The following ZP4 variants were observed in gnomAD, a reference collection of about 807,000 sequenced individuals.
ZP4 encodes the protein zona pellucida sperm-binding protein 4.
In ZP4, 62 loss-of-function variants were observed where a neutral mutation model predicts 62.3. The ratio of observed to expected loss-of-function variants is 0.99; its 90% CI spans 0.81 to 1.23. The LOEUF (loss-of-function observed/expected upper bound fraction) is 1.23. Ranked by LOEUF, ZP4 falls within the 50% of genes most tolerant of loss-of-function variation. ZP4 has a pLI of 0.00. For synonymous variants in ZP4, 289 were observed against 247.3 expected (o/e 1.17, Z -1.58); for missense variants, 774 against 656.0 (o/e 1.18, Z -1.97).
At position 237,887,485 on chromosome 1, in the gene ZP4, C is replaced by T; in HGVS notation, c.630G>A (p.Leu210=). ...TCCTAAGGGCCAAGCGCACAGAATC[C>T]AAGAGCAGTGGTGGCGAGGTCACGT... ...SRNVTSPPLL[L]DSVRLALRND... is the part of the protein sequence containing the mutation. Residue 210 remains leucine (L), a synonymous_variant, in exon 5 of 12, where the codon TTG becomes TTA. Transcript: ENST00000366570. 1 of 1,614,180 alleles carries T rather than the reference C, an allele frequency of 6.2e-7. No homozygotes were observed. Among genetic ancestry groups the T allele is most frequent in the Non-Finnish European group, 8.5e-7 (1 of 1,180,048 alleles).
Position 237,883,955 on chromosome 1 carries a change from G to GTC in ZP4, c.1390+812_1390+813dup, listed in dbSNP as rs1212333072. On this transcript the variant is annotated intron_variant, in intron 10 of 11. Transcript: ENST00000366570. ...AACCTGCATGACAGAGCAAGAACTG[G>GTC]TCACACACACAAACACACACACACA... Among the ~76,000 whole-genome samples the GTC allele has an allele frequency of 1.7e-4, 23 of 135,046 alleles. 1 individual carries two copies. The highest frequency in any genetic ancestry group is 6.7e-4 in the African/African-American group (22 of 32,672). The allele number at this position is 135,046 out of a possible 152,430, so 88.6% of individuals were successfully genotyped here. A position where few individuals can be genotyped will look rare whatever the true frequency, so the allele number is the denominator to read the frequency against.
chr1:237,882,815 G>A lies in ZP4; in HGVS notation c.1422C>T (p.Asn474=). 2.5e-6 allele frequency: 4 copies of A among 1,614,076 alleles called. No homozygotes were observed. The highest frequency in any genetic ancestry group is 3.4e-6 in the Non-Finnish European group (4 of 1,179,992). Residue 474 remains asparagine (N), a synonymous_variant, in exon 11 of 12, where the codon AAC becomes AAT. Transcript: ENST00000366570. ...CTTTGCTAGAAACACTAGCAGTAGTGTTCTGAGAACTGTTGTCAAAATTTC... is the reference window on the plus strand; with the variant it reads ...CTTTGCTAGAAACACTAGCAGTAGTATTCTGAGAACTGTTGTCAAAATTTC... ...RRRNFDNSSQ[N]TTASVSSKGP...
chr1:237,884,623 A>T (rs893631435), intron 10 of ZP4, 146 bp downstream of exon 10: 90 of 674,292 alleles, frequency 1.3e-4, no homozygotes, highest in South Asian at 2.7e-4. Flanking sequence ...GAAGCTAGTC[A>T]TCTTTGTTCT....
At position 237,882,494 on chromosome 1, in the gene ZP4, G is replaced by T; in HGVS notation, c.1551C>A (p.Ile517=). Residue 517 remains isoleucine (I), a synonymous_variant, in exon 12 of 12, where the codon ATC becomes ATA. Transcript: ENST00000366570. ...AGTAGGATACTAACAAGGCTCCAAG[G>T]ATTAAGGTCCCAGAAAGGCCTGCCA... is the stretch of plus-strand genomic sequence containing the variant. ...LWVAGLSGTL[I]LGALLVSYLA... 2 of 1,609,138 alleles carry T rather than the reference G, an allele frequency of 1.2e-6. No homozygotes were observed. Among genetic ancestry groups the T allele is most frequent in the Non-Finnish European group, 1.7e-6 (2 of 1,178,860 alleles).
chr1:237,886,385 A>ATT (rs111714014), intron 6 of ZP4, among the ~76,000 whole-genome samples: 14 of 146,696 alleles, frequency 9.5e-5, no homozygotes, highest in African/African-American at 3.5e-4. Flanking sequence ...CATCTTAAAG[A>ATT]TTTTTTTTTT....
intron 10 of ZP4, among the ~76,000 whole-genome samples, chr1:237,883,956 T>TCACACACAAACA (rs1553350777): frequency 3.3e-4 from 42 of 127,128 alleles, no homozygotes; most frequent in African/African-American, 1.2e-3. Flanking sequence ...CAAGAACTGG[T>TCACACACAAACA]CACACACACA....
chr1:237,883,983 AACAC>A lies in ZP4; in HGVS notation c.1390+782_1390+785del, dbSNP rs1173733667. Among the ~76,000 whole-genome samples the A allele has an allele frequency of 2.6e-3, 112 of 42,358 alleles. 1 individual carries two copies. Among genetic ancestry groups the A allele is most frequent in the Admixed American group, 4.7e-3 (17 of 3,598 alleles). 27.8% of individuals were successfully genotyped at this position (42,358 alleles called of 152,430 possible). On this transcript the variant is annotated intron_variant, in intron 10 of 11. Coordinates refer to ENST00000366570, the MANE Select transcript of ZP4 (RefSeq NM_021186.5). ...ACACACACAAACACACACACACACA[AACAC>A]ACACACACACACACACACACACACA...
chr1:237,890,653 C>A lies in ZP4; in HGVS notation c.-18G>T, dbSNP rs1255528094. The A allele has an allele frequency of 6.2e-7, 1 of 1,605,798 alleles. No homozygotes were observed. The highest frequency in any genetic ancestry group is 1.3e-5 in the African/African-American group (1 of 74,726). ...AGCCACATAATGCTACCAGGAGTTC[C>A]TGCCGGCTGCAGACTCTCCGCCTCC... On this transcript the variant is annotated 5_prime_UTR_variant, in exon 1 of 12. It adds an upstream start codon to the 5' untranslated region. Transcript: ENST00000366570.
At chr1:237,888,737 A>C (rs546365748) in intron 3 of ZP4, among the ~76,000 whole-genome samples, 1 of 152,302 alleles carries the variant, frequency 6.6e-6, no homozygotes, top group South Asian at 2.1e-4. Context: ...TTAGTTTTTT[A>C]AAAACAAGAA....
rs1665055781 is a variant in ZP4, at chr1:237,884,780, G to A, written c.1379C>T (p.Pro460Leu). Residue 460 changes from proline (P) to leucine (L), a missense_variant, in exon 10 of 12, where the codon CCT (proline) becomes CTT (leucine). Physicochemically the swap from Pro to Leu is moderately conservative, Grantham distance 98. Coordinates refer to ENST00000366570, the MANE Select transcript of ZP4 (RefSeq NM_021186.5). The part of the protein sequence containing the change: ...AETPSCVVTC[P>L]DLSRRRNFDN... ...GCTTGGTTACTCACGACTGAGATCA[G>A]GACAGGTCACCACACAGGATGGTGT... The A allele has an allele frequency of 6.2e-7, 1 of 1,613,662 alleles. No individual in the cohort carries two copies. Among genetic ancestry groups the A allele is most frequent in the Non-Finnish European group, 8.5e-7 (1 of 1,179,864 alleles).
Position 237,883,773 on chromosome 1 carries a change from AAG to A in ZP4, c.1391-929_1391-928del, listed in dbSNP as rs1375673340. On this transcript the variant is annotated intron_variant, in intron 10 of 11. Transcript: ENST00000366570. ...AGAGGGAGAGAGAGGGAGAGAGAGG[AAG>A]AGAGAGGAAGAGAGAGGAAGAGAGA... Among the ~76,000 whole-genome samples, 95 of 62,034 alleles carry A rather than the reference AAG, an allele frequency of 1.5e-3. 3 individuals are homozygous for A. Among genetic ancestry groups the A allele is most frequent in the Non-Finnish European group, 2.7e-3 (72 of 26,656 alleles). 40.7% of individuals were successfully genotyped at this position (62,034 alleles called of 152,430 possible). A position where few individuals can be genotyped will look rare whatever the true frequency, so the allele number is the denominator to read the frequency against.
chr1:237,883,690 AGGGCGGGGGAGGGCGGGG>A (rs1558530045), intron 10 of ZP4, among the ~76,000 whole-genome samples: 4 of 9,456 alleles, frequency 4.2e-4, no homozygotes, highest in African/African-American at 1.7e-3. Context: ...AGGGCGGGGG[AGGGCGGGGGAGGGCGGGG>A]GAGGGCGGGG....
At chr1:237,885,724 T>C in intron 7 of ZP4, 32 bp downstream of exon 7, 3 of 1,612,442 alleles carry the variant, frequency 1.9e-6, no homozygotes, top group South Asian at 1.1e-5. Flanking sequence ...ATTTAGACTA[T>C]AGGCCAGATA....
chr1:237,890,466 G>A lies in ZP4; in HGVS notation c.170C>T (p.Ala57Val), dbSNP rs1665214157. 6.2e-7 allele frequency: 1 copy of A among 1,607,922 alleles called. No homozygotes were observed. The highest frequency in any genetic ancestry group is 8.5e-7 in the Non-Finnish European group (1 of 1,177,686). The part of the protein sequence containing the change: ...QEATSPPVLI[A>V]WDNQGLLHEL... ...AGGCAAGTCATCAAACTTACCCCAA[G>A]CTATTAGTACAGGAGGAGACGTTGC... Residue 57 changes from alanine (A) to valine (V), a missense_variant, in exon 1 of 12, where the codon GCT (alanine) becomes GTT (valine). Physicochemically the swap from Ala to Val is moderately conservative, Grantham distance 64. Coordinates refer to ENST00000366570, the MANE Select transcript of ZP4 (RefSeq NM_021186.5).
At position 237,890,630 on chromosome 1, in the gene ZP4, C is replaced by CT. The variant is rs765052959; in HGVS notation, c.5_6insA (p.Trp2Ter). Residue 2 changes from tryptophan to a stop codon, truncating the protein, a stop_gained and frameshift_variant, in exon 1 of 12, where the codon TGG becomes TGAG. Transcript: ENST00000366570. LOFTEE classifies it high-confidence loss of function. ...CACACAGCAAAACGCACCGCAGCAG[C>CT]CACATAATGCTACCAGGAGTTCCTG... The part of the protein sequence containing the change: M[W>*]LLRCVLLCVS... 1.2e-6 allele frequency: 2 copies of CT among 1,612,162 alleles called. No homozygotes were observed. The highest frequency in any genetic ancestry group is 2.7e-5 in the African/African-American group (2 of 74,876).
rs1281876485 is a variant in ZP4 at position 237,886,884 on chromosome 1, G to C, written c.742-16C>G. The C allele has an allele frequency of 1.9e-6, 3 of 1,604,266 alleles. No homozygotes were observed. Among genetic ancestry groups the C allele is most frequent in the Non-Finnish European group, 1.7e-6 (2 of 1,171,760 alleles). Reference sequence around the variant, plus strand: ...CTCCAGTGATCTACAGGAATAGATGGAGAAGTCTTGATCATTTCTGTTAGT... The same window carrying C: ...CTCCAGTGATCTACAGGAATAGATGCAGAAGTCTTGATCATTTCTGTTAGT... On this transcript the variant is annotated splice_polypyrimidine_tract_variant and intron_variant, in intron 5 of 11. Transcript: ENST00000366570.
chr1:237,888,269 T>C (rs1665153701), intron 4 of ZP4, 89 bp downstream of exon 4: 2 of 1,373,566 alleles, frequency 1.5e-6, no homozygotes, highest in Admixed American at 2.3e-5. Context: ...TATCACTTGA[T>C]GTTTGCCTTC....
rs61832083 is a variant in ZP4, at chr1:237,887,143, C to T, written c.741+231G>A. Among the ~76,000 whole-genome samples, 837 of 152,258 alleles carry T rather than the reference C, an allele frequency of 5.5e-3. 2 individuals are homozygous for T. The highest frequency in any genetic ancestry group is 7.5e-3 in the East Asian group (39 of 5,172). On this transcript the variant is annotated intron_variant, in intron 5 of 11. Transcript: ENST00000366570. The stretch of plus-strand genomic sequence containing the variant: ...CCCTGCTGGTTTCTTCTCTATAGCA[C>T]GGTAAATGACAGCCCCTTAGCTAGA...
intron 6 of ZP4, 57 bp from the exon 7 acceptor site, chr1:237,885,943 ATCCTTTC>A: frequency 1.2e-6 from 2 of 1,604,242 alleles, no homozygotes; most frequent in East Asian, 4.5e-5. Flanking sequence ...TCAGTTACAC[ATCCTTTC>A]TTTTTAACTC....
Sources: gnomAD v4.1 joint callset for allele counts (sites outside exome capture counted in the v4.1 genomes callset) on GRCh38, gnomAD v4.1.1 for gene constraint, MANE v1.5 for transcripts, NCBI Gene and HGNC (gene_info 2026-07-23, HGNC 2026-07-21) for gene names.